Variants in BOP1 observed in about 807,000 individuals in gnomAD.
BOP1 encodes BOP1 ribosomal biogenesis factor, also known as ribosome biogenesis protein BOP1.
Under a neutral mutation model 82.9 loss-of-function variants are expected in BOP1, and 54 were observed. The ratio of observed to expected loss-of-function variants is 0.65; its 90% CI spans 0.52 to 0.82. The LOEUF is 0.82. BOP1 is among the 40% of genes least tolerant of loss of function. The pLI, the probability that BOP1 is intolerant of heterozygous loss-of-function variation, is 0.00. For missense variants in BOP1, 1,170 were observed against 1,072.0 expected (o/e 1.09, Z -1.28); for synonymous variants, 566 against 451.1 (o/e 1.25, Z -3.23).
rs902519581 is a variant in BOP1, at chr8:144,267,915, T to A, written c.391-2844A>T. 2.6e-5 allele frequency among the ~76,000 whole-genome samples: 4 copies of A among 152,178 alleles called. No homozygotes were observed. The East Asian group carries it at 7.7e-4, about 29-fold the overall frequency. On this transcript the variant is annotated intron_variant, in intron 3 of 15. Transcript: ENST00000569669. ...CCTGGGGCCTGAACATCTGGGAAAT[T>A]TAATTTTACAATTTCGGCTGTGCAG...
intron 3 of BOP1, among the ~76,000 whole-genome samples, chr8:144,272,538 G>C (rs1845507581): frequency 2.0e-5 from 3 of 151,960 alleles, no homozygotes; most frequent in Middle Eastern, 3.4e-3. Context: ...CCAGCCCCAG[G>C]GCAAAGCCTC....
At chr8:144,276,119 A>G in intron 3 of BOP1, 105 bp downstream of exon 3, 2 of 1,320,510 alleles carry the variant, frequency 1.5e-6, no homozygotes, top group South Asian at 1.2e-5. Context: ...CACCTGCGGC[A>G]GGTCCCAGCA....
chr8:144,264,551 C>T lies in BOP1; in HGVS notation c.729G>A (p.Lys243=), dbSNP rs1845312673. 1 of 1,610,398 alleles carries T rather than the reference C, an allele frequency of 6.2e-7. No homozygotes were observed. The highest frequency in any genetic ancestry group is 1.8e-4 in the Middle Eastern group (1 of 5,680). The change falls in exon 6 of 16, where the codon AAG becomes AAA. Residue 243 remains lysine, a synonymous_variant. Coordinates refer to ENST00000569669, the MANE Select transcript of BOP1 (RefSeq NM_015201.5). ...IHPVTNRPAD[K]RSFIPSLVEK... is the part of the protein sequence containing the mutation. ...CCACCAGGGAGGGGATGAAGCTGCG[C>T]TTGTCGGCCGGGCGGTTGGTCACCG... is the stretch of plus-strand genomic sequence containing the variant.
At chr8:144,273,835 C>T (rs1392815917) in intron 3 of BOP1, among the ~76,000 whole-genome samples, 3 of 151,588 alleles carry the variant, frequency 2.0e-5, no homozygotes, top group Non-Finnish European at 4.4e-5. Flanking sequence ...CCAGGCCCAG[C>T]GCCTCCTCCA....
intron 15 of BOP1, 26 bp downstream of exon 15, chr8:144,262,370 G>A (rs1410097819): frequency 6.2e-7 from 1 of 1,612,478 alleles, no homozygotes; most frequent in African/African-American, 1.3e-5. Context: ...GCCCTGGGGA[G>A]GGGGCCAGGC....
chr8:144,266,034 C>T (rs1046677660), intron 3 of BOP1: 2 of 152,388 alleles, frequency 1.3e-5, no homozygotes, highest in Admixed American at 6.5e-5. Flanking sequence ...TAAATACTCG[C>T]CTGTGCCCGC....
rs782717002 is a variant in BOP1, at chr8:144,291,346, G to GCCCCGCA, written c.18_24dup (p.Arg9CysfsTer17). ...GGCCGCACGCTCGGCGCCGCCGTGC[G>GCCCCGCA]CCCCGCACCCCGCGAACCCGCCATG... On this transcript the variant is annotated frameshift_variant, in exon 1 of 16. Coordinates refer to ENST00000569669, the MANE Select transcript of BOP1 (RefSeq NM_015201.5). LOFTEE classifies it high-confidence loss of function. The surrounding 1 kb of genome is among the most constrained non-coding windows in gnomAD (Gnocchi z 4.1). 7.2e-7 allele frequency: 1 copy of GCCCCGCA among 1,387,038 alleles called. No homozygotes were observed. Among genetic ancestry groups the GCCCCGCA allele is most frequent in the South Asian group, 1.5e-5 (1 of 68,458 alleles). 85.9% of individuals were successfully genotyped at this position (1,387,038 alleles called of 1,614,324 possible). A position where few individuals can be genotyped will look rare whatever the true frequency, so the allele number is the denominator to read the frequency against.
chr8:144,274,477 C>G (rs1392716777), intron 3 of BOP1, among the ~76,000 whole-genome samples: 5 of 152,216 alleles, frequency 3.3e-5, no homozygotes, highest in African/African-American at 1.2e-4. Context: ...CACTTTGCTC[C>G]AAGGGAACAG....
chr8:144,273,199 A>C (rs1365471739), intron 3 of BOP1, among the ~76,000 whole-genome samples: 1 of 152,186 alleles, frequency 6.6e-6, no homozygotes, highest in African/African-American at 2.4e-5. Context: ...GGAGGCCGCC[A>C]GCACTGGAGG....
chr8:144,285,895 C>T (rs1814854348), intron 2 of BOP1, among the ~76,000 whole-genome samples: 1 of 152,248 alleles, frequency 6.6e-6, no homozygotes, highest in South Asian at 2.1e-4. Flanking sequence ...CGGGATGACA[C>T]AGAAACAGGC....
Position 144,291,232 on chromosome 8 carries a change from T to C in BOP1, c.99+40A>G. On this transcript the variant is annotated intron_variant, in intron 1 of 15. Coordinates refer to ENST00000569669, the MANE Select transcript of BOP1 (RefSeq NM_015201.5). The surrounding 1 kb of genome is among the most constrained non-coding windows in gnomAD (Gnocchi z 4.1). ...GCGCGGCCACGTGCCCGCCGGGCCCTCTAGGGACGCGCCCCGCCGCCCCGC... is the reference window on the plus strand; with the variant it reads ...GCGCGGCCACGTGCCCGCCGGGCCCCCTAGGGACGCGCCCCGCCGCCCCGC... 1 of 1,423,644 alleles carries C rather than the reference T, an allele frequency of 7.0e-7. No homozygotes were observed. The highest frequency in any genetic ancestry group is 9.2e-7 in the Non-Finnish European group (1 of 1,090,262). 88.2% of individuals were successfully genotyped at this position (1,423,644 alleles called of 1,614,324 possible). A position where few individuals can be genotyped will look rare whatever the true frequency, so the allele number is the denominator to read the frequency against.
At chr8:144,275,447 CCGG>C (rs1845554597) in intron 3 of BOP1, among the ~76,000 whole-genome samples, 10 of 50,330 alleles carry the variant, frequency 2.0e-4, no homozygotes, top group Admixed American at 5.1e-4. Flanking sequence ...GGAACCCAGC[CCGG>C]TGCCAGCCTC....
At chr8:144,267,089 C>A (rs1845389462) in intron 3 of BOP1, 2 of 1,373,428 alleles carry the variant, frequency 1.5e-6, no homozygotes, top group Non-Finnish European at 1.9e-6. Context: ...GGCAGCCCCC[C>A]GCCGCCGCCC....
At chr8:144,273,161 CGCGGGG>C (rs1215834766) in intron 3 of BOP1, among the ~76,000 whole-genome samples, 1 of 152,156 alleles carries the variant, frequency 6.6e-6, no homozygotes. Context: ...GGGGCCAGGA[CGCGGGG>C]GCGGGGGCGG....
Position 144,291,319 on chromosome 8 carries a change from C to A in BOP1, c.52G>T (p.Glu18Ter). Residue 18 changes from glutamate (E) to a stop codon, truncating the protein, a stop_gained, in exon 1 of 16, where the codon GAG (glutamate) becomes TAG (stop). Transcript: ENST00000569669. LOFTEE classifies it high-confidence loss of function. The surrounding 1 kb of genome is among the most constrained non-coding windows in gnomAD (Gnocchi z 4.1). ...GRTAAPSVRP[E>*]KRRSEPELEP... is the part of the protein sequence containing the mutation. Reference sequence around the variant, plus strand: ...AGTTCGGGCTCAGACCGCCGCTTCTCCGGCCGCACGCTCGGCGCCGCCGTG... The same window carrying A: ...AGTTCGGGCTCAGACCGCCGCTTCTACGGCCGCACGCTCGGCGCCGCCGTG... 1 of 1,438,244 alleles carries A rather than the reference C, an allele frequency of 7.0e-7. No homozygotes were observed. The highest frequency in any genetic ancestry group is 9.1e-7 in the Non-Finnish European group (1 of 1,094,676). The allele number at this position is 1,438,244 out of a possible 1,614,324, so 89.1% of individuals were successfully genotyped here. A position where few individuals can be genotyped will look rare whatever the true frequency, so the allele number is the denominator to read the frequency against.
chr8:144,282,892 G>A (rs536167041), intron 2 of BOP1, among the ~76,000 whole-genome samples: 94 of 152,156 alleles, frequency 6.2e-4, no homozygotes, highest in African/African-American at 2.2e-3. Flanking sequence ...GCTCGTTGTT[G>A]AAAGGCACTA....
chr8:144,289,415 G>A, intron 1 of BOP1, 111 bp from the exon 2 acceptor site: 2 of 1,161,752 alleles, frequency 1.7e-6, no homozygotes, highest in Non-Finnish European at 2.5e-6. Flanking sequence ...AGCTCCATGT[G>A]GCCTCCAGGA....
chr8:144,281,504 C>T (rs4977211), intron 2 of BOP1, among the ~76,000 whole-genome samples: 17 of 1,668 alleles, frequency 0.01, 2 homozygotes, highest in African/African-American at 0.03. Context: ...TTTGGCCTTC[C>T]CTCAGTTTAA....
intron 3 of BOP1, among the ~76,000 whole-genome samples, chr8:144,271,350 G>A (rs916581121): frequency 1.2e-4 from 18 of 151,860 alleles, no homozygotes; most frequent in Non-Finnish European, 2.2e-4. Flanking sequence ...AGAGGAAGCC[G>A]GCCCACCTCT....
Sources: gnomAD v4.1 joint callset for allele counts (sites outside exome capture counted in the v4.1 genomes callset) on GRCh38, gnomAD v4.1.1 for gene constraint, Gnocchi (gnomAD v3.1) non-coding constraint, MANE v1.5 for transcripts, NCBI Gene and HGNC (gene_info 2026-07-23, HGNC 2026-07-21) for gene names.